Variants in INSRR observed in about 807,000 individuals in gnomAD.
INSRR encodes the protein insulin receptor related receptor, also known as insulin receptor-related protein.
In INSRR, 114 loss-of-function variants were observed where a neutral mutation model predicts 130.0. The observed-to-expected ratio is 0.88, with a 90% CI of 0.75 to 1.02. INSRR has a LOEUF of 1.02. Among genes scored for constraint, INSRR ranks in the 50% least tolerant of loss-of-function variants. The pLI is 0.00. For missense variants in INSRR, 1,657 were observed against 1,735.2 expected, an observed-to-expected ratio of 0.95 and a Z score of 0.80; for synonymous variants, 674 against 705.2, an observed-to-expected ratio of 0.96 and a Z score of 0.70.
In INSRR at chr1:156,858,617, G is replaced by A. The variant is rs199542749; in HGVS notation, c.5C>T (p.Ala2Val). 2 of 1,614,006 alleles carry A rather than the reference G, an allele frequency of 1.2e-6. No homozygotes were observed. The highest frequency in any genetic ancestry group is 1.3e-5 in the African/African-American group (1 of 75,048). M[A>V]VPSLWPWGAC... Reference sequence around the variant, plus strand: ...TCCCCAGGGCCACAGACTAGGCACTGCCATTGTCCCAGCCCTGGCTTGTGT... The same window carrying A: ...TCCCCAGGGCCACAGACTAGGCACTACCATTGTCCCAGCCCTGGCTTGTGT... The change falls in exon 1 of 22, where the codon GCA (alanine) becomes GTA (valine). Residue 2 changes from alanine (A) to valine (V), a missense_variant. Physicochemically the swap from Ala to Val is moderately conservative, Grantham distance 64. Transcript: ENST00000368195.
At chr1:156,844,938 A>G (rs1654935987) in intron 12 of INSRR, 95 bp from the exon 13 acceptor site, 10 of 1,574,358 alleles carry the variant, frequency 6.4e-6, no homozygotes, top group Non-Finnish European at 8.6e-6. Flanking sequence ...GGAGGTGGGG[A>G]AAGCTTTGGG....
Position 156,845,164 on chromosome 1 carries a change from G to T in INSRR, c.2349C>A (p.Tyr783Ter), listed in dbSNP as rs1390557449. 6.2e-7 allele frequency: 1 copy of T among 1,611,422 alleles called. No individual in the cohort carries two copies. The highest frequency in any genetic ancestry group is 1.7e-5 in the Admixed American group (1 of 59,702). ...VLSGLRHFTE[Y>*]RIDIHACNHA... The stretch of plus-strand genomic sequence containing the variant: ...GGTTGCAGGCATGGATGTCGATCCG[G>T]TATTCCGTGAAGTGGCGCAGGCCGC... Residue 783 changes from tyrosine to a stop codon, truncating the protein, a stop_gained, in exon 12 of 22, where the codon TAC becomes TAA. Coordinates refer to ENST00000368195, the MANE Select transcript of INSRR (RefSeq NM_014215.3). LOFTEE classifies it high-confidence loss of function.
At chr1:156,843,295 A>G in intron 16 of INSRR, 62 bp from the exon 17 acceptor site, 2 of 1,570,778 alleles carry the variant, frequency 1.3e-6, no homozygotes, top group East Asian at 2.2e-5. Flanking sequence ...TCACCCCCCA[A>G]CTTCTCTTCT....
Position 156,851,808 on chromosome 1 carries a change from G to T in INSRR, c.942-20C>A, listed in dbSNP as rs775520771. On this transcript the variant is annotated intron_variant, in intron 3 of 21. Transcript: ENST00000368195. ...AATATGCTAGCAGGAGCAAGCAGAT[G>T]TCCTGAGCCTTGGACCAGTTTGGGC... 1.4e-5 allele frequency: 23 copies of T among 1,599,968 alleles called. No individual in the cohort carries two copies. The highest frequency in any genetic ancestry group is 1.9e-5 in the Non-Finnish European group (22 of 1,170,940).
At chr1:156,848,812 T>C (rs1655097018) in intron 7 of INSRR, 109 bp downstream of exon 7, 2 of 1,363,970 alleles carry the variant, frequency 1.5e-6, no homozygotes, top group Non-Finnish European at 2.0e-6. Context: ...GGTCCTGGCT[T>C]CCTGGGTCTT....
At chr1:156,858,492 G>T in intron 1 of INSRR, 45 bp downstream of exon 1, 9 of 1,512,586 alleles carry the variant, frequency 6.0e-6, no homozygotes, top group Non-Finnish European at 7.4e-6. Flanking sequence ...CTCCCAGCTG[G>T]CTGGGAGGGA....
intron 16 of INSRR, 72 bp from the exon 17 acceptor site, chr1:156,843,305 T>C: frequency 6.4e-7 from 1 of 1,568,520 alleles, no homozygotes; most frequent in South Asian, 1.1e-5. Flanking sequence ...ACTTCTCTTC[T>C]CCTCTTCTGA....
Position 156,843,220 on chromosome 1 carries a change from A to G in INSRR, c.2910T>C (p.Asp970=), listed in dbSNP as rs757666243. The G allele has an allele frequency of 6.8e-6, 11 of 1,613,990 alleles. No individual in the cohort carries two copies. Among genetic ancestry groups the G allele is most frequent in the Middle Eastern group, 1.6e-4 (1 of 6,062 alleles). Residue 970 remains aspartate (D), a synonymous_variant, in exon 17 of 22, where the codon GAT becomes GAC. Transcript: ENST00000368195. ...TCTGCTCCCGAGGCACCTCCCATTC[A>G]TCAGGGACATACACTGCAAGGAGGT... ...YFSASDMYVP[D]EWEVPREQIS... is the part of the protein sequence containing the mutation.
intron 10 of INSRR, 65 bp downstream of exon 10, chr1:156,845,554 C>T: frequency 6.3e-6 from 9 of 1,426,832 alleles, no homozygotes; most frequent in South Asian, 1.4e-5. Context: ...CCACCCCTCC[C>T]GCAAGACCCG....
At chr1:156,848,866 A>C (rs1655100022) in intron 7 of INSRR, 55 bp downstream of exon 7, 1 of 1,531,538 alleles carries the variant, frequency 6.5e-7, no homozygotes, top group Admixed American at 2.0e-5. Flanking sequence ...GTGGTCCCGA[A>C]GAAATTGGCC....
At position 156,851,287 on chromosome 1, in the gene INSRR, T is replaced by C; in HGVS notation, c.1229+3A>G. ...AGGAGCTGGTCAGAGGCCTAACCCT[T>C]ACCCATCCACCATGGCGTCTCCCCG... is the stretch of plus-strand genomic sequence containing the variant. On this transcript the variant is annotated splice_donor_region_variant and intron_variant, in intron 5 of 21. Transcript: ENST00000368195. The C allele has an allele frequency of 6.2e-7, 1 of 1,614,138 alleles. No individual in the cohort carries two copies. Among genetic ancestry groups the C allele is most frequent in the South Asian group, 1.1e-5 (1 of 91,084 alleles).
intron 5 of INSRR, among the ~76,000 whole-genome samples, chr1:156,850,803 C>T (rs559325720): frequency 3.5e-4 from 52 of 150,608 alleles, no homozygotes; most frequent in African/African-American, 1.1e-3. Flanking sequence ...GTGATCCACC[C>T]GCCTCAGCCT....
chr1:156,846,906 AG>A (rs530066621), intron 7 of INSRR, 149 bp from the exon 8 acceptor site: 28 of 657,072 alleles, frequency 4.3e-5, no homozygotes, highest in East Asian at 1.1e-4. Context: ...GACCTTGGCA[AG>A]GGGGGGCGGA....
rs1654806770 is a variant in INSRR at position 156,841,962 on chromosome 1, C to T, written c.3397+150G>A. The T allele has an allele frequency of 7.1e-6, 11 of 1,550,674 alleles. No individual in the cohort carries two copies. The East Asian group carries it at 1.6e-4, about 22-fold the overall frequency. On this transcript the variant is annotated intron_variant, in intron 19 of 21. Coordinates refer to ENST00000368195, the MANE Select transcript of INSRR (RefSeq NM_014215.3). ...ACTCATCCCATCCAAACCCCTCTGC[C>T]CTTGGACAAGAGACTAAGATACAGG...
Position 156,846,123 on chromosome 1 carries a change from G to C in INSRR, c.1811-4C>G. ...ACGTCTTGGGGCACCGTGGGAGCTA[G>C]GAGTGCGAGAAGGATGCAACTCAGG... On this transcript the variant is annotated splice_region_variant and splice_polypyrimidine_tract_variant and intron_variant, in intron 8 of 21. Transcript: ENST00000368195. 6.3e-7 allele frequency: 1 copy of C among 1,586,816 alleles called. No individual in the cohort carries two copies. The highest frequency in any genetic ancestry group is 8.6e-7 in the Non-Finnish European group (1 of 1,166,304).
In INSRR at chr1:156,851,664, G is replaced by A. The variant is rs1283819823; in HGVS notation, c.1066C>T (p.Leu356Phe). The A allele has an allele frequency of 6.2e-7, 1 of 1,614,200 alleles. No individual in the cohort carries two copies. Among genetic ancestry groups the A allele is most frequent in the South Asian group, 1.1e-5 (1 of 91,084 alleles). ...TACTGACAGCCCTGGCGAAGGTTGA[G>A]GATGAGGCTTCCCTCCACATGCGTG... Reference protein sequence around the residue: ...GCTHVEGSLILNLRQGYNLEP... With the variant: ...GCTHVEGSLIFNLRQGYNLEP... Residue 356 changes from leucine (L) to phenylalanine (F), a missense_variant, in exon 4 of 22, where the codon CTC (leucine) becomes TTC (phenylalanine). Coordinates refer to ENST00000368195, the MANE Select transcript of INSRR (RefSeq NM_014215.3).
Position 156,842,399 on chromosome 1 carries a change from T to C in INSRR, c.3236A>G (p.Glu1079Gly), listed in dbSNP as rs1451226204. 1 of 1,613,862 alleles carries C rather than the reference T, an allele frequency of 6.2e-7. No individual in the cohort carries two copies. The highest frequency in any genetic ancestry group is 1.7e-5 in the Admixed American group (1 of 60,018). ...CCCCAGGGTCTTCCTGGTCCCTACC[T>C]CTGCCTCAGGCCGCAAAGATCGAAG... ...SHLRSLRPEA[E>G]NNPGLPQPAL... Residue 1079 changes from glutamate to glycine, a missense_variant and splice_region_variant, in exon 18 of 22, where the codon GAG becomes GGG. Physicochemically the swap from Glu to Gly is moderately conservative, Grantham distance 98. Transcript: ENST00000368195.
chr1:156,851,080 A>G, intron 5 of INSRR: 1 of 645,386 alleles, frequency 1.5e-6, no homozygotes, highest in East Asian at 2.7e-5. Flanking sequence ...AACTTGAGTA[A>G]TATTCAAAAC....
At chr1:156,842,772 A>G (rs556174254) in intron 17 of INSRR, among the ~76,000 whole-genome samples, 48 of 152,216 alleles carry the variant, frequency 3.2e-4, no homozygotes, top group African/African-American at 1.1e-3. Context: ...TGGACACCCA[A>G]TATTGAGCCC....
Sources: allele counts gnomAD v4.1 joint callset (sites outside exome capture counted in the v4.1 genomes callset), GRCh38; gene constraint gnomAD v4.1.1; transcripts MANE v1.5; gene names NCBI Gene and HGNC (gene_info 2026-07-23, HGNC 2026-07-21).